Variants in ADAMTSL1 observed in about 807,000 individuals in gnomAD.
ADAMTSL1 encodes ADAMTS-like protein 1.
Under a neutral mutation model 201.8 loss-of-function variants are expected in ADAMTSL1, and 126 were observed. The ratio of observed to expected loss-of-function variants is 0.62; its 90% CI spans 0.54 to 0.72. ADAMTSL1 has a LOEUF of 0.72. Ranked by LOEUF, ADAMTSL1 falls within the 30% of genes least tolerant of loss-of-function variation. The pLI is 0.00. For synonymous variants in ADAMTSL1, 1,121 were observed against 903.4 expected (o/e 1.24, Z -4.32); for missense variants, 2,679 against 2,277.8 (o/e 1.18, Z -3.59).
intron 1 of ADAMTSL1, among the ~76,000 whole-genome samples, chr9:18,154,527 G>T (rs1279904868): frequency 6.6e-6 from 1 of 152,064 alleles, no homozygotes; most frequent in Admixed American, 6.6e-5. Flanking sequence ...GCTGCTTCAT[G>T]TGTACACATA....
At chr9:17,922,203 C>T (rs1372569345) in intron 1 of ADAMTSL1, among the ~76,000 whole-genome samples, 1 of 151,452 alleles carries the variant, frequency 6.6e-6, no homozygotes, top group Admixed American at 6.6e-5. Context: ...GGGATGATCT[C>T]TAAGTGGAGA....
chr9:17,963,843 C>G (rs1817858742), intron 1 of ADAMTSL1, among the ~76,000 whole-genome samples: 1 of 152,088 alleles, frequency 6.6e-6, no homozygotes, highest in Non-Finnish European at 1.5e-5. Flanking sequence ...CCTCATTTTA[C>G]TACTTAAGAG....
At chr9:18,420,551 C>A (rs896372763) in intron 2 of ADAMTSL1, among the ~76,000 whole-genome samples, 1 of 152,128 alleles carries the variant, frequency 6.6e-6, no homozygotes, top group Non-Finnish European at 1.5e-5. Context: ...TTGGGCATGC[C>A]TTTGTGAGGA....
chr9:18,448,377 A>C (rs1256072622), intron 2 of ADAMTSL1, among the ~76,000 whole-genome samples: 1 of 152,186 alleles, frequency 6.6e-6, no homozygotes, highest in Non-Finnish European at 1.5e-5. Context: ...GAGAAGTTTG[A>C]AACTAGGACA....
chr9:18,757,472 T>C (rs1819839619), intron 16 of ADAMTSL1, among the ~76,000 whole-genome samples: 1 of 152,122 alleles, frequency 6.6e-6, no homozygotes, highest in Non-Finnish European at 1.5e-5. Flanking sequence ...ACTGCTAGGA[T>C]TTTTCTCAGT....
chr9:18,605,174 G>C (rs764996628), intron 4 of ADAMTSL1, among the ~76,000 whole-genome samples: 17 of 152,060 alleles, frequency 1.1e-4, no homozygotes, highest in Non-Finnish European at 2.2e-4. Flanking sequence ...ATGCCTCTCT[G>C]CAGGAAAAAA....
intron 2 of ADAMTSL1, among the ~76,000 whole-genome samples, chr9:18,525,451 G>C (rs1473225786): frequency 6.6e-6 from 1 of 151,966 alleles, no homozygotes; most frequent in Non-Finnish European, 1.5e-5. Context: ...TTTCAATTCT[G>C]CTCTGATCTT....
At chr9:18,105,633 C>G (rs1464061270) in intron 1 of ADAMTSL1, among the ~76,000 whole-genome samples, 5 of 152,096 alleles carry the variant, frequency 3.3e-5, no homozygotes, top group Admixed American at 6.6e-5. Flanking sequence ...ACTAGCCCCA[C>G]AAAGAGTGCT....
upstream of ADAMTSL1, among the ~76,000 whole-genome samples, chr9:18,469,718 C>T (rs2131741415): frequency 6.6e-6 from 1 of 152,356 alleles, no homozygotes; most frequent in East Asian, 1.9e-4. Flanking sequence ...AACTGGTTAG[C>T]ATGGTTACAA....
intron 2 of ADAMTSL1, among the ~76,000 whole-genome samples, chr9:18,228,168 G>T (rs997233755): frequency 2.0e-5 from 3 of 152,166 alleles, no homozygotes; most frequent in Admixed American, 2.0e-4. Context: ...ATAGAGAGAG[G>T]ATGTTGGCTT....
chr9:17,920,574 G>C (rs530024404), intron 1 of ADAMTSL1, among the ~76,000 whole-genome samples: 1 of 152,072 alleles, frequency 6.6e-6, no homozygotes, highest in Non-Finnish European at 1.5e-5. Flanking sequence ...GCATCACCGC[G>C]TTCTCTTTTG....
chr9:17,981,041 C>A (rs1184859903), intron 1 of ADAMTSL1, among the ~76,000 whole-genome samples: 5 of 152,130 alleles, frequency 3.3e-5, no homozygotes, highest in African/African-American at 4.8e-5. Flanking sequence ...CCAAGCCATT[C>A]ACGAGGGATT....
intron 19 of ADAMTSL1, among the ~76,000 whole-genome samples, chr9:18,790,941 C>G (rs1384091412): frequency 6.6e-6 from 1 of 152,190 alleles, no homozygotes; most frequent in Non-Finnish European, 1.5e-5. Flanking sequence ...CCCACATCCT[C>G]TGGTTCCATA....
intron 15 of ADAMTSL1, among the ~76,000 whole-genome samples, chr9:18,739,860 A>G (rs1175987978): frequency 1.3e-5 from 2 of 151,482 alleles, no homozygotes; most frequent in Non-Finnish European, 2.9e-5. Flanking sequence ...ATGCATGTGT[A>G]TCAATGCCTG....
intron 15 of ADAMTSL1, among the ~76,000 whole-genome samples, chr9:18,752,407 A>G (rs1387152913): frequency 2.0e-5 from 3 of 152,186 alleles, no homozygotes; most frequent in Non-Finnish European, 4.4e-5. Flanking sequence ...TTTCTTGGCC[A>G]ATTCCTGTTT....
intron 3 of ADAMTSL1, among the ~76,000 whole-genome samples, chr9:18,543,486 G>A (rs1306075997): frequency 2.0e-5 from 3 of 152,126 alleles, no homozygotes; most frequent in Non-Finnish European, 2.9e-5. Flanking sequence ...TAAGCTTTCA[G>A]TATCTTGCAA....
At chr9:17,994,957 A>G (rs1443544356) in intron 1 of ADAMTSL1, among the ~76,000 whole-genome samples, 1 of 152,166 alleles carries the variant, frequency 6.6e-6, no homozygotes, top group African/African-American at 2.4e-5. Context: ...GGCTTGGAGA[A>G]AGAGATTAAC....
chr9:18,553,882 G>T (rs1820944718), intron 3 of ADAMTSL1, among the ~76,000 whole-genome samples: 1 of 151,722 alleles, frequency 6.6e-6, no homozygotes, highest in Non-Finnish European at 1.5e-5. Flanking sequence ...TTGTAGAAAT[G>T]AATCATTATT....
chr9:18,576,130 T>A (rs1822709102), intron 4 of ADAMTSL1, among the ~76,000 whole-genome samples: 1 of 152,116 alleles, frequency 6.6e-6, no homozygotes, highest in Admixed American at 6.5e-5. Flanking sequence ...TACGGTATAA[T>A]TTGTAAATTA....
Sources: gnomAD v4.1 joint callset for allele counts (sites outside exome capture counted in the v4.1 genomes callset) on GRCh38, gnomAD v4.1.1 for gene constraint, MANE v1.5 for transcripts, NCBI Gene and HGNC (gene_info 2026-07-23, HGNC 2026-07-21) for gene names.